MTMR3: variants seen among roughly 807,000 people sequenced by gnomAD.
The protein encoded by MTMR3 is myotubularin related protein 3, also known as phosphatidylinositol-3,5-bisphosphate 3-phosphatase MTMR3.
MTMR3 carries 32 observed loss-of-function variants against 132.4 expected under a neutral mutation model. The ratio of observed to expected loss-of-function variants is 0.24; its 90% CI spans 0.18 to 0.32. MTMR3 has a LOEUF of 0.32. Ranked by LOEUF, MTMR3 falls within the 10% of genes least tolerant of loss-of-function variation. MTMR3 has a pLI of 1.00. For synonymous variants in MTMR3, 556 were observed against 550.3 expected (o/e 1.01, Z -0.14); for missense variants, 1,216 against 1,489.6 (o/e 0.82, Z 3.02).
Position 29,971,077 on chromosome 22 carries a change from A to C in MTMR3, c.3+15A>C. Reference sequence around the variant, plus strand: ...CTCTTGTCATGGTAAGTACAAGGAAATAAGAGTAAAAAAAAAAACAAAAAA... The same window carrying C: ...CTCTTGTCATGGTAAGTACAAGGAACTAAGAGTAAAAAAAAAAACAAAAAA... On this transcript the variant is annotated intron_variant, in intron 3 of 19. Transcript: ENST00000401950. The C allele has an allele frequency of 6.3e-7, 1 of 1,590,398 alleles. No individual in the cohort carries two copies. Among genetic ancestry groups the C allele is most frequent in the South Asian group, 1.2e-5 (1 of 86,072 alleles).
At chr22:29,979,200 A>G in intron 5 of MTMR3, 148 bp downstream of exon 5, 1 of 604,480 alleles carries the variant, frequency 1.7e-6, no homozygotes, top group Non-Finnish European at 2.9e-6. Context: ...GCACTCAAGG[A>G]ACACTGGCTT....
rs757040371 is a variant in MTMR3, at chr22:30,023,488, G to A, written c.3425+791G>A. 4 of 1,614,092 alleles carry A rather than the reference G, an allele frequency of 2.5e-6. No individual in the cohort carries two copies. The South Asian group carries it at 4.4e-5, about 18-fold the overall frequency. On this transcript the variant is annotated intron_variant, in intron 19 of 19. Coordinates refer to ENST00000401950, the MANE Select transcript of MTMR3 (RefSeq NM_021090.4). ...TGACCGTGTTGATCAAACGTGGTGA[G>A]CATTTGCAACAACCTGCCTGTGATG...
In MTMR3 at chr22:30,025,829, C is replaced by T. The variant is rs113609747; in HGVS notation, c.*28C>T. 2 of 1,611,876 alleles carry T rather than the reference C, an allele frequency of 1.2e-6. No homozygotes were observed. On this transcript the variant is annotated 3_prime_UTR_variant, in exon 20 of 20. Transcript: ENST00000401950. Reference sequence around the variant, plus strand: ...CTCAGTGACCTGGGTGGGCAGTGGCCAAGCTGCTGTTCCTATGACAGGCCC... The same window carrying T: ...CTCAGTGACCTGGGTGGGCAGTGGCTAAGCTGCTGTTCCTATGACAGGCCC...
intron 9 of MTMR3, chr22:30,005,427 C>T (rs903045024): frequency 6.6e-6 from 1 of 152,220 alleles, no homozygotes; most frequent in Non-Finnish European, 1.5e-5. Context: ...ATCTACTGCT[C>T]CTCTTGGGCA....
chr22:29,969,944 C>G (rs2066500518), intron 2 of MTMR3, among the ~76,000 whole-genome samples: 1 of 152,180 alleles, frequency 6.6e-6, no homozygotes, highest in African/African-American at 2.4e-5. Flanking sequence ...TTACATTGCC[C>G]TTAAAAGAGT....
intron 1 of MTMR3, among the ~76,000 whole-genome samples, chr22:29,947,286 C>A (rs1292577384): frequency 6.6e-6 from 1 of 151,974 alleles, no homozygotes; most frequent in Non-Finnish European, 1.5e-5. Context: ...TAATATTATT[C>A]TTAATTCACA....
chr22:29,888,906 G>A (rs547991878), intron 1 of MTMR3, among the ~76,000 whole-genome samples: 278 of 150,454 alleles, frequency 1.8e-3, no homozygotes, highest in Non-Finnish European at 3.3e-3. Context: ...TCCCCAAGTC[G>A]TTAATACTTT....
At chr22:29,933,855 A>G (rs930342864) in intron 1 of MTMR3, among the ~76,000 whole-genome samples, 3 of 151,272 alleles carry the variant, frequency 2.0e-5, no homozygotes, top group Admixed American at 6.6e-5. Flanking sequence ...ACAGGTGTGC[A>G]CCATTGTGCC....
intron 1 of MTMR3, among the ~76,000 whole-genome samples, chr22:29,949,124 CACACACACACACACA>C (rs2066009092): frequency 5.1e-5 from 2 of 39,218 alleles, no homozygotes; most frequent in African/African-American, 2.5e-4. Flanking sequence ...CACACACACA[CACACACACACACACA>C]CACACCCCCC....
At chr22:29,946,000 CTT>C (rs1491526148) in intron 1 of MTMR3, among the ~76,000 whole-genome samples, 3 of 129,260 alleles carry the variant, frequency 2.3e-5, no homozygotes, top group Non-Finnish European at 4.8e-5. Flanking sequence ...AATTGTAAAA[CTT>C]GTGTGTGTGT....
At chr22:29,970,914 G>A (rs2066520289) in intron 2 of MTMR3, 62 bp from the exon 3 acceptor site, 1 of 704,570 alleles carries the variant, frequency 1.4e-6, no homozygotes, top group Non-Finnish European at 2.3e-6. Context: ...AAAAACTATT[G>A]CCAATTTTGC....
At chr22:29,950,022 A>G (rs1569020307) in intron 1 of MTMR3, among the ~76,000 whole-genome samples, 2 of 152,216 alleles carry the variant, frequency 1.3e-5, no homozygotes, top group Non-Finnish European at 1.5e-5. Flanking sequence ...AACTGAGAGC[A>G]AGAAGCAGGA....
chr22:29,933,861 G>T (rs1199339386), intron 1 of MTMR3, among the ~76,000 whole-genome samples: 1 of 150,980 alleles, frequency 6.6e-6, no homozygotes, highest in African/African-American at 2.4e-5. Context: ...GTGCACCATT[G>T]TGCCTGGCTA....
chr22:29,987,894 T>C (rs2066889358), intron 5 of MTMR3: 1 of 152,258 alleles, frequency 6.6e-6, no homozygotes, highest in Non-Finnish European at 1.5e-5. Flanking sequence ...TTGATACTTT[T>C]GGGTCTATTC....
Position 30,017,945 on chromosome 22 carries a change from CA to C in MTMR3, c.1694del (p.His565LeufsTer5). ...QSEAVLYPVC[H>X]VRNLMLWSAV... ...TCCTCAGGTGCTGTACCCTGTGTGC[CA>C]TGTGCGTAACCTGATGCTGTGGAGT... On this transcript the variant is annotated frameshift_variant, in exon 16 of 20. Transcript: ENST00000401950. LOFTEE classifies it high-confidence loss of function. The C allele has an allele frequency of 6.2e-7, 1 of 1,613,588 alleles. No individual in the cohort carries two copies. Among genetic ancestry groups the C allele is most frequent in the Non-Finnish European group, 8.5e-7 (1 of 1,179,810 alleles).
intron 1 of MTMR3, among the ~76,000 whole-genome samples, chr22:29,915,891 CCT>C (rs2065299212): frequency 6.6e-6 from 1 of 151,336 alleles, no homozygotes; most frequent in Non-Finnish European, 1.5e-5. Flanking sequence ...CATCTTATCC[CCT>C]CTTTTAGTGG....
chr22:29,971,396 T>G (rs554247536), intron 3 of MTMR3, among the ~76,000 whole-genome samples: 1 of 152,234 alleles, frequency 6.6e-6, no homozygotes, highest in Admixed American at 6.5e-5. Context: ...TAGCGTGTAG[T>G]GAAAACTGTG....
chr22:29,884,958 C>T (rs1460247375), intron 1 of MTMR3, among the ~76,000 whole-genome samples: 1 of 152,064 alleles, frequency 6.6e-6, no homozygotes, highest in Non-Finnish European at 1.5e-5. Flanking sequence ...CTATGAATAC[C>T]TCTTTTGGCT....
rs749067914 is a variant in MTMR3 at position 29,949,098 on chromosome 22, AACACACACACACAC to A, written c.-137-7905_-137-7892del. ...GGGCGACAGCGAGGCCCTGTCTTAA[AACACACACACACAC>A]ACACACACACACACACACACACACA... On this transcript the variant is annotated intron_variant, in intron 1 of 19. Transcript: ENST00000401950. Among the ~76,000 whole-genome samples the A allele has an allele frequency of 3.4e-3, 178 of 52,174 alleles. 1 individual carries two copies. Among genetic ancestry groups the A allele is most frequent in the Non-Finnish European group, 4.3e-3 (124 of 28,954 alleles). The allele number at this position is 52,174 out of a possible 152,430, so 34.2% of individuals were successfully genotyped here.
Sources: allele counts gnomAD v4.1 joint callset (sites outside exome capture counted in the v4.1 genomes callset), GRCh38; gene constraint gnomAD v4.1.1; transcripts MANE v1.5; gene names NCBI Gene and HGNC (gene_info 2026-07-23, HGNC 2026-07-21).